Variants in KDM7A observed in about 807,000 individuals in gnomAD.
KDM7A encodes lysine demethylase 7A.
In KDM7A, 28 loss-of-function variants were observed where a neutral mutation model predicts 114.8. That is an observed-to-expected ratio of 0.24 (90% CI 0.18 to 0.33). The LOEUF (loss-of-function observed/expected upper bound fraction) is 0.33. Among genes scored for constraint, KDM7A ranks in the 10% least tolerant of loss-of-function variants. The pLI is 1.00. For synonymous variants in KDM7A, 423 were observed against 397.8 expected, an observed-to-expected ratio of 1.06 and a Z score of -0.75; for missense variants, 942 against 1,142.5, an observed-to-expected ratio of 0.82 and a Z score of 2.53.
chr7:140,091,354 T>A (rs1036927765), intron 19 of KDM7A, among the ~76,000 whole-genome samples, 166 bp from the exon 20 acceptor site: 2 of 152,294 alleles, frequency 1.3e-5, no homozygotes, highest in Non-Finnish European at 2.9e-5. Context: ...TTCCACCTCA[T>A]CACACTAGGC....
In KDM7A at chr7:140,117,139, G is replaced by C. The variant is rs775590128; in HGVS notation, c.1246+1974C>G. Among the ~76,000 whole-genome samples, 26 of 152,218 alleles carry C rather than the reference G, an allele frequency of 1.7e-4. 1 individual carries two copies. Among genetic ancestry groups the C allele is most frequent in the Admixed American group, 5.2e-4 (8 of 15,286 alleles). ...TGATGAGACTGGATTGAATCACTAT[G>C]ATTGCCAGGTATTCTACACTGATCT... On this transcript the variant is annotated intron_variant, in intron 9 of 19. Transcript: ENST00000397560.
In KDM7A at chr7:140,085,936, G is replaced by A. The variant is rs768194091; in HGVS notation, c.*5158C>T. Reference sequence around the variant, plus strand: ...CAACCAAAATACACCAAAGAAATATGAGAGTATGTCTGGGTTATTTTATGC... The same window carrying A: ...CAACCAAAATACACCAAAGAAATATAAGAGTATGTCTGGGTTATTTTATGC... On this transcript the variant is annotated 3_prime_UTR_variant, in exon 20 of 20. Coordinates refer to ENST00000397560, the MANE Select transcript of KDM7A (RefSeq NM_030647.2). 1.3e-5 allele frequency: 2 copies of A among 152,158 alleles called. No individual in the cohort carries two copies. Among genetic ancestry groups the A allele is most frequent in the Non-Finnish European group, 2.9e-5 (2 of 68,022 alleles). 9.4% of individuals were successfully genotyped at this position (152,158 alleles called of 1,614,324 possible).
chr7:140,108,473 CCTTT>C (rs1404252591), intron 11 of KDM7A, among the ~76,000 whole-genome samples: 2 of 152,032 alleles, frequency 1.3e-5, no homozygotes, highest in East Asian at 3.9e-4. Context: ...GTGTGGATGT[CCTTT>C]CTGTTTGTTT....
chr7:140,152,883 C>T (rs148111454), intron 1 of KDM7A, among the ~76,000 whole-genome samples: 220 of 151,684 alleles, frequency 1.5e-3, no homozygotes, highest in African/African-American at 4.7e-3. Context: ...TTTTTTGAGA[C>T]GGGGTCTCGC....
chr7:140,143,700 A>G (rs1451777828), intron 1 of KDM7A, among the ~76,000 whole-genome samples: 1 of 152,208 alleles, frequency 6.6e-6, no homozygotes, highest in Non-Finnish European at 1.5e-5. Flanking sequence ...TTGCTACTGT[A>G]AAGTCTTTGA....
intron 9 of KDM7A, among the ~76,000 whole-genome samples, chr7:140,118,102 C>A (rs1032383477): frequency 6.6e-6 from 1 of 152,186 alleles, no homozygotes; most frequent in Admixed American, 6.5e-5. Flanking sequence ...CAAATGTTCA[C>A]AATAAACTTT....
intron 10 of KDM7A, 115 bp downstream of exon 10, chr7:140,113,376 G>T (rs957829267): frequency 1.2e-5 from 6 of 518,158 alleles, no homozygotes; most frequent in Non-Finnish European, 7.0e-6. Context: ...ATAAAGGCAT[G>T]ATTTCTATTC....
Position 140,089,990 on chromosome 7 carries a change from A to C in KDM7A, c.*1104T>G, listed in dbSNP as rs1418658246. 6.6e-6 allele frequency: 1 copy of C among 152,214 alleles called. No homozygotes were observed. The allele number at this position is 152,214 out of a possible 1,614,324, so 9.4% of individuals were successfully genotyped here. ...TTGAATATCCTAAATAACATTTCCC[A>C]ACAAATCAGGTATGGAGCATAAAAG... On this transcript the variant is annotated 3_prime_UTR_variant, in exon 20 of 20. Coordinates refer to ENST00000397560, the MANE Select transcript of KDM7A (RefSeq NM_030647.2).
At chr7:140,131,661 C>T (rs1167829333) in intron 3 of KDM7A, among the ~76,000 whole-genome samples, 1 of 152,208 alleles carries the variant, frequency 6.6e-6, no homozygotes, top group Non-Finnish European at 1.5e-5. Flanking sequence ...GTCCCTCCTT[C>T]CCCCAACCTC....
rs1028328658 is a variant in KDM7A at position 140,124,898 on chromosome 7, CT to C, written c.889-116del. 1.1e-5 allele frequency: 7 copies of C among 666,482 alleles called. No individual in the cohort carries two copies. In the African/African-American group the frequency reaches 1.3e-4, roughly 12 times the overall value. 41.3% of individuals were successfully genotyped at this position (666,482 alleles called of 1,614,324 possible). A position where few individuals can be genotyped will look rare whatever the true frequency, so the allele number is the denominator to read the frequency against. On this transcript the variant is annotated intron_variant, in intron 6 of 19. Coordinates refer to ENST00000397560, the MANE Select transcript of KDM7A (RefSeq NM_030647.2). ...AATTAAATTGGATAATTATCAGATTCTTTTAGGTTCAAAAGACATATTTCAC... is the reference window on the plus strand; with the variant it reads ...AATTAAATTGGATAATTATCAGATTCTTTAGGTTCAAAAGACATATTTCAC...
rs1794704286 is a variant in KDM7A at position 140,176,208 on chromosome 7, G to A, written c.194+536C>T. Among the ~76,000 whole-genome samples, 4 of 151,648 alleles carry A rather than the reference G, an allele frequency of 2.6e-5. No individual in the cohort carries two copies. In the South Asian group the frequency reaches 8.3e-4, roughly 31 times the overall value. Reference sequence around the variant, plus strand: ...GCCCAGGAAGTTTGATAAAGACGGGGAAGGGGGCGCGACAGGGACCCGCGG... The same window carrying A: ...GCCCAGGAAGTTTGATAAAGACGGGAAAGGGGGCGCGACAGGGACCCGCGG... On this transcript the variant is annotated intron_variant, in intron 1 of 19. Transcript: ENST00000397560. This position sits in a 1 kb window ranked among gnomAD's most constrained non-coding sequence, Gnocchi z 4.4.
Position 140,091,799 on chromosome 7 carries a change from G to A in KDM7A, c.2731+5C>T, listed in dbSNP as rs764055045. 1 of 1,610,848 alleles carries A rather than the reference G, an allele frequency of 6.2e-7. No individual in the cohort carries two copies. Among genetic ancestry groups the A allele is most frequent in the South Asian group, 1.1e-5 (1 of 91,032 alleles). ...ATACTTTCTCTATACATGTGTGAAA[G>A]TTACCTTTTGTTGCCTGGTTGCTGA... On this transcript the variant is annotated splice_donor_5th_base_variant and intron_variant, in intron 19 of 19. Coordinates refer to ENST00000397560, the MANE Select transcript of KDM7A (RefSeq NM_030647.2).
intron 17 of KDM7A, 142 bp from the exon 18 acceptor site, chr7:140,094,280 C>A (rs1423718863): frequency 1.5e-6 from 1 of 650,470 alleles, no homozygotes; most frequent in Non-Finnish European, 2.8e-6. Context: ...CAAGGCAGGT[C>A]AATCACTTGA....
At chr7:140,130,464 T>C (rs1224083941) in intron 3 of KDM7A, among the ~76,000 whole-genome samples, 1 of 151,580 alleles carries the variant, frequency 6.6e-6, no homozygotes, top group Non-Finnish European at 1.5e-5. Context: ...CTACTAAAAA[T>C]ACAAAAATTA....
intron 1 of KDM7A, among the ~76,000 whole-genome samples, chr7:140,171,811 A>G (rs184763781): frequency 6.6e-6 from 1 of 151,930 alleles, no homozygotes; most frequent in East Asian, 1.9e-4. Context: ...TCTGTGTTCA[A>G]CTTTATTATG....
chr7:140,131,166 C>A (rs543197925), intron 3 of KDM7A, among the ~76,000 whole-genome samples: 6 of 152,238 alleles, frequency 3.9e-5, no homozygotes, highest in Admixed American at 2.6e-4. Flanking sequence ...CGCGCCAGGC[C>A]TAGTAAGTCT....
At chr7:140,115,002 C>T (rs1372620850) in intron 9 of KDM7A, among the ~76,000 whole-genome samples, 2 of 151,918 alleles carry the variant, frequency 1.3e-5, no homozygotes, top group African/African-American at 4.8e-5. Context: ...AAGTGAGGAG[C>T]GTCTCTGCCC....
rs1275595359 is a variant in KDM7A at position 140,115,864 on chromosome 7, AAAAAT to A, written c.1247-2287_1247-2283del. On this transcript the variant is annotated intron_variant, in intron 9 of 19. Coordinates refer to ENST00000397560, the MANE Select transcript of KDM7A (RefSeq NM_030647.2). ...TAATAGTACAAGAAAAGTAAAAAAA[AAAAAT>A]AAATGTCATACAATATTTTTATCAT... 1.2e-3 allele frequency among the ~76,000 whole-genome samples: 156 copies of A among 124,888 alleles called. 1 individual carries two copies. The highest frequency in any genetic ancestry group is 4.0e-3 in the African/African-American group (129 of 31,900). The allele number at this position is 124,888 out of a possible 152,430, so 81.9% of individuals were successfully genotyped here.
intron 9 of KDM7A, among the ~76,000 whole-genome samples, chr7:140,114,670 T>C (rs1378506199): frequency 1.4e-5 from 2 of 144,404 alleles, no homozygotes; most frequent in Non-Finnish European, 3.0e-5. Context: ...GGCTGCCCAG[T>C]CTGGGGAGTG....
Sources: gnomAD v4.1 joint callset for allele counts (sites outside exome capture counted in the v4.1 genomes callset) on GRCh38, gnomAD v4.1.1 for gene constraint, Gnocchi (gnomAD v3.1) non-coding constraint, MANE v1.5 for transcripts, NCBI Gene and HGNC (gene_info 2026-07-23, HGNC 2026-07-21) for gene names.